The following TMC7 variants were observed in gnomAD, a reference collection of about 807,000 sequenced individuals.
TMC7 encodes the protein transmembrane channel-like protein 7.
Under a neutral mutation model 82.9 loss-of-function variants are expected in TMC7, and 54 were observed. The ratio of observed to expected loss-of-function variants is 0.65; its 90% CI spans 0.52 to 0.82. The LOEUF is 0.82. Among genes scored for constraint, TMC7 ranks in the 40% least tolerant of loss-of-function variants. The probability of loss-of-function intolerance (pLI) is 0.00; values close to 1 mark genes in which losing one functional copy is unlikely to be tolerated. For synonymous variants in TMC7, 350 were observed against 337.9 expected, an observed-to-expected ratio of 1.04 and a Z score of -0.39; for missense variants, 820 against 901.2, an observed-to-expected ratio of 0.91 and a Z score of 1.15.
intron 1 of TMC7, among the ~76,000 whole-genome samples, chr16:18,991,076 G>C (rs2038942626): frequency 6.6e-6 from 1 of 152,168 alleles, no homozygotes. Flanking sequence ...GAGAGATAAT[G>C]GGTGATGTTT....
At chr16:18,986,867 C>T (rs147152908) in intron 1 of TMC7, among the ~76,000 whole-genome samples, 1,588 of 151,962 alleles carry the variant, frequency 0.01, 12 homozygotes, top group Middle Eastern at 0.027. Context: ...TGCAGTGGCG[C>T]GATCTCGGCT....
At chr16:18,988,072 G>T (rs2038883923) in intron 1 of TMC7, among the ~76,000 whole-genome samples, 1 of 151,890 alleles carries the variant, frequency 6.6e-6, no homozygotes, top group East Asian at 1.9e-4. Context: ...AGCCTTGATT[G>T]ATCCTCCTGC....
At chr16:19,010,901 C>A (rs180675379) in intron 2 of TMC7, among the ~76,000 whole-genome samples, 4 of 152,084 alleles carry the variant, frequency 2.6e-5, no homozygotes, top group Non-Finnish European at 5.9e-5. Context: ...AAGAGAGGAT[C>A]GGAAGCCTGC....
At chr16:18,988,571 G>A (rs1234011159) in intron 1 of TMC7, among the ~76,000 whole-genome samples, 8 of 152,178 alleles carry the variant, frequency 5.3e-5, no homozygotes, top group Non-Finnish European at 7.4e-5. Context: ...GCCTACAGGC[G>A]TGAGCCACCA....
At chr16:19,029,847 G>C (rs1052760494) in intron 5 of TMC7, among the ~76,000 whole-genome samples, 2 of 151,974 alleles carry the variant, frequency 1.3e-5, no homozygotes, top group African/African-American at 4.8e-5. Flanking sequence ...CGAGTAGCTG[G>C]GGTTACAGGC....
chr16:19,055,364 GC>G (rs1010841502), intron 13 of TMC7, among the ~76,000 whole-genome samples: 99 of 152,008 alleles, frequency 6.5e-4, no homozygotes, highest in African/African-American at 2.3e-3. Flanking sequence ...CTTTAGTATA[GC>G]TTTTTTTTTG....
At chr16:18,993,618 A>G (rs1028207380) in intron 1 of TMC7, among the ~76,000 whole-genome samples, 3 of 152,198 alleles carry the variant, frequency 2.0e-5, no homozygotes, top group Non-Finnish European at 2.9e-5. Context: ...ATGCCTTTTG[A>G]TGGCCCTTGC....
At chr16:19,050,094 G>A (rs1004819006) in intron 12 of TMC7, among the ~76,000 whole-genome samples, 1 of 151,858 alleles carries the variant, frequency 6.6e-6, no homozygotes, top group African/African-American at 2.4e-5. Context: ...TTAAATGGCC[G>A]GGCCCGGTGG....
In TMC7 at chr16:19,051,883, C is replaced by T. The variant is rs58311352; in HGVS notation, c.1871+67C>T. ...GACCTCTTCCTCTTTTATGTAAAAG[C>T]GTCCGTCATATCACATTTTTTTTTT... On this transcript the variant is annotated intron_variant, in intron 13 of 15. Transcript: ENST00000304381. 4,084 of 1,577,040 alleles carry T rather than the reference C, an allele frequency of 2.6e-3. 88 individuals carry two copies. In the African/African-American group the frequency reaches 0.046, roughly 18 times the overall value.
chr16:19,048,513 C>T (rs1961389676), intron 12 of TMC7, among the ~76,000 whole-genome samples: 1 of 152,098 alleles, frequency 6.6e-6, no homozygotes, highest in South Asian at 2.1e-4. Flanking sequence ...CCTCCACCTC[C>T]CGGGTTCAAG....
chr16:19,058,924 C>T (rs925541561), intron 14 of TMC7, among the ~76,000 whole-genome samples: 1 of 152,120 alleles, frequency 6.6e-6, no homozygotes, highest in African/African-American at 2.4e-5. Context: ...GCCGCCCAGG[C>T]TGGAGTGCAG....
At chr16:18,986,390 GAA>G (rs1248730083) in intron 1 of TMC7, among the ~76,000 whole-genome samples, 1 of 73,114 alleles carries the variant, frequency 1.4e-5, no homozygotes. Flanking sequence ...GACTCTGTCT[GAA>G]AAAAAAAAAA....
At chr16:19,035,935 G>C in intron 7 of TMC7, 112 bp downstream of exon 7, 1 of 1,252,838 alleles carries the variant, frequency 8.0e-7, no homozygotes, top group South Asian at 1.5e-5. Flanking sequence ...GTTGTCCCTG[G>C]TACTTAGCAA....
At chr16:19,017,186 A>G (rs1200840030) in intron 3 of TMC7, among the ~76,000 whole-genome samples, 1 of 152,028 alleles carries the variant, frequency 6.6e-6, no homozygotes, top group Non-Finnish European at 1.5e-5. Flanking sequence ...CTCTGTCTCA[A>G]AAGAAGTGCC....
At chr16:18,999,298 C>G (rs1201244074) in intron 1 of TMC7, among the ~76,000 whole-genome samples, 1 of 152,342 alleles carries the variant, frequency 6.6e-6, no homozygotes, top group Non-Finnish European at 1.5e-5. Flanking sequence ...CTGCATCCAG[C>G]CAGTCATATT....
chr16:19,005,657 A>G lies in TMC7; in HGVS notation c.68-3515A>G, dbSNP rs183947799. ...GCCCCTGACCCCACAGCTGTTGAAT[A>G]TTCAGTAGGTCCATGCTGTTCTATA... On this transcript the variant is annotated intron_variant, in intron 1 of 15. Coordinates refer to ENST00000304381, the MANE Select transcript of TMC7 (RefSeq NM_024847.4). Among the ~76,000 whole-genome samples the G allele has an allele frequency of 1.9e-4, 29 of 152,290 alleles. No homozygotes were observed. The East Asian group carries it at 5.6e-3, about 29-fold the overall frequency.
At chr16:19,029,189 T>C (rs559400558) in intron 5 of TMC7, among the ~76,000 whole-genome samples, 1 of 151,560 alleles carries the variant, frequency 6.6e-6, no homozygotes, top group African/African-American at 2.4e-5. Flanking sequence ...GTATTTTTAG[T>C]AGAGACGGGG....
intron 5 of TMC7, among the ~76,000 whole-genome samples, chr16:19,029,995 C>G (rs1269427840): frequency 6.6e-6 from 1 of 151,866 alleles, no homozygotes; most frequent in Non-Finnish European, 1.5e-5. Context: ...GGATTACAGG[C>G]GTGAGCCACC....
chr16:19,036,571 T>C (rs6416605), intron 7 of TMC7, among the ~76,000 whole-genome samples: 133,321 of 150,492 alleles, frequency 0.89, 59,963 homozygotes, highest in Non-Finnish European at 0.97. Context: ...AAAAAATTAC[T>C]TGGGCATGGT....
Sources: gnomAD v4.1 joint callset for allele counts (sites outside exome capture counted in the v4.1 genomes callset) on GRCh38, gnomAD v4.1.1 for gene constraint, MANE v1.5 for transcripts, NCBI Gene and HGNC (gene_info 2026-07-23, HGNC 2026-07-21) for gene names.